ASTN2: variants seen among roughly 807,000 people sequenced by gnomAD.
ASTN2 encodes astrotactin 2.
In ASTN2, 54 loss-of-function variants were observed where a neutral mutation model predicts 139.8. That is an observed-to-expected ratio of 0.39 (90% CI 0.31 to 0.48). The LOEUF (loss-of-function observed/expected upper bound fraction) is 0.48. ASTN2 is among the 20% of genes least tolerant of loss of function. The pLI, the probability that ASTN2 is intolerant of heterozygous loss-of-function variation, is 0.95. For synonymous variants in ASTN2, 756 were observed against 719.5 expected, an observed-to-expected ratio of 1.05 and a Z score of -0.81; for missense variants, 1,565 against 1,725.1, an observed-to-expected ratio of 0.91 and a Z score of 1.64.
chr9:116,594,732 T>C (rs548791473), intron 19 of ASTN2, among the ~76,000 whole-genome samples: 4 of 152,276 alleles, frequency 2.6e-5, no homozygotes, highest in Non-Finnish European at 4.4e-5. Flanking sequence ...TCATCATGCA[T>C]TGATGACAGA....
intron 16 of ASTN2, among the ~76,000 whole-genome samples, chr9:116,667,157 T>C (rs941557538): frequency 4.0e-5 from 6 of 151,860 alleles, no homozygotes; most frequent in Non-Finnish European, 7.4e-5. Flanking sequence ...GAGTTCACCA[T>C]GTTGGCCAGG....
intron 10 of ASTN2, among the ~76,000 whole-genome samples, chr9:116,938,517 C>T (rs774943976): frequency 2.0e-5 from 3 of 152,192 alleles, no homozygotes; most frequent in Non-Finnish European, 4.4e-5. Flanking sequence ...TGGCTGCTGG[C>T]AGTTTCACAG....
intron 1 of ASTN2, among the ~76,000 whole-genome samples, chr9:117,316,866 A>G (rs1370733874): frequency 2.0e-5 from 3 of 152,160 alleles, no homozygotes; most frequent in Admixed American, 6.5e-5. Flanking sequence ...TCTGGGCCCA[A>G]CGAAGGTCAG....
At chr9:116,885,281 C>T (rs1422587102) in intron 10 of ASTN2, among the ~76,000 whole-genome samples, 1 of 152,182 alleles carries the variant, frequency 6.6e-6, no homozygotes, top group African/African-American at 2.4e-5. Context: ...AATACCCTGA[C>T]TTGATCATTC....
chr9:116,547,860 T>C (rs967833514), intron 19 of ASTN2, among the ~76,000 whole-genome samples: 1 of 152,066 alleles, frequency 6.6e-6, no homozygotes, highest in Non-Finnish European at 1.5e-5. Flanking sequence ...TGAGGTTCTG[T>C]GTCCCATTCC....
At chr9:117,101,294 A>G (rs2132764574) in intron 4 of ASTN2, among the ~76,000 whole-genome samples, 1 of 152,324 alleles carries the variant, frequency 6.6e-6, no homozygotes, top group East Asian at 1.9e-4. Flanking sequence ...GAGGTGATTC[A>G]GATGGCTAGA....
At chr9:116,586,833 C>CACACACACACACACACACAA (rs1554717114) in intron 19 of ASTN2, among the ~76,000 whole-genome samples, 1 of 118,068 alleles carries the variant, frequency 8.5e-6, no homozygotes, top group African/African-American at 3.1e-5. Context: ...CACATACATA[C>CACACACACACACACACACAA]ACACACACAC....
chr9:116,953,621 C>CT (rs1339236443), intron 10 of ASTN2, among the ~76,000 whole-genome samples: 3 of 152,158 alleles, frequency 2.0e-5, no homozygotes, highest in Non-Finnish European at 4.4e-5. Context: ...TAGCTGCTGC[C>CT]TAAAGAATAT....
intron 19 of ASTN2, among the ~76,000 whole-genome samples, chr9:116,518,565 T>C (rs888597206): frequency 1.4e-4 from 21 of 152,176 alleles, no homozygotes; most frequent in Non-Finnish European, 2.4e-4. Flanking sequence ...CCTTAAAGCA[T>C]AAATCTCACA....
At chr9:116,809,723 C>A (rs918094063) in intron 12 of ASTN2, among the ~76,000 whole-genome samples, 1 of 152,026 alleles carries the variant, frequency 6.6e-6, no homozygotes, top group Non-Finnish European at 1.5e-5. Flanking sequence ...TTAATATATA[C>A]GTTTTGCGAG....
chr9:116,439,240 G>A lies in ASTN2; in HGVS notation c.3782+1369C>T, dbSNP rs1164103518. On this transcript the variant is annotated intron_variant, in intron 22 of 22. Transcript: ENST00000313400. ...TTTTGAGACGGAGTCTCGCTCTGTC[G>A]CCCAGGCTGGAGTGCAGTGGCGGGA... is the stretch of plus-strand genomic sequence containing the variant. Among the ~76,000 whole-genome samples, 29 of 96,494 alleles carry A rather than the reference G, an allele frequency of 3.0e-4. 1 individual carries two copies. Among genetic ancestry groups the A allele is most frequent in the African/African-American group, 1.2e-3 (26 of 21,446 alleles). 63.3% of individuals were successfully genotyped at this position (96,494 alleles called of 152,430 possible).
At chr9:117,142,154 G>C (rs1374372294) in intron 3 of ASTN2, among the ~76,000 whole-genome samples, 1 of 152,188 alleles carries the variant, frequency 6.6e-6, no homozygotes, top group Admixed American at 6.5e-5. Flanking sequence ...AGATTGGAGT[G>C]ATAAAGACAT....
chr9:116,729,853 G>A (rs1358373534), intron 14 of ASTN2, among the ~76,000 whole-genome samples: 1 of 152,190 alleles, frequency 6.6e-6, no homozygotes, highest in African/African-American at 2.4e-5. Flanking sequence ...ATGCATGAAA[G>A]TAGTGTGCAA....
At chr9:117,203,502 A>G (rs1437652704) in intron 3 of ASTN2, among the ~76,000 whole-genome samples, 1 of 151,648 alleles carries the variant, frequency 6.6e-6, no homozygotes, top group Non-Finnish European at 1.5e-5. Flanking sequence ...GAGGCTGCTG[A>G]CCCTTGGATG....
intron 10 of ASTN2, among the ~76,000 whole-genome samples, chr9:116,954,682 G>A (rs1460357814): frequency 6.6e-6 from 1 of 151,930 alleles, no homozygotes; most frequent in Non-Finnish European, 1.5e-5. Flanking sequence ...AACAGGTGAT[G>A]GGCCAAATTG....
intron 10 of ASTN2, among the ~76,000 whole-genome samples, chr9:116,906,465 T>C (rs937919174): frequency 2.6e-5 from 4 of 152,112 alleles, no homozygotes; most frequent in Non-Finnish European, 5.9e-5. Flanking sequence ...CCCCAGACAC[T>C]TTTGTCTTTC....
intron 21 of ASTN2, 85 bp from the exon 22 acceptor site, chr9:116,440,877 A>G: frequency 1.5e-6 from 2 of 1,378,500 alleles, no homozygotes; most frequent in Non-Finnish European, 2.0e-6. Flanking sequence ...AGAAAGGCAC[A>G]GTGGTGAGAA....
chr9:117,157,385 CA>C (rs1478789742), intron 3 of ASTN2, among the ~76,000 whole-genome samples: 1 of 151,968 alleles, frequency 6.6e-6, no homozygotes, highest in Non-Finnish European at 1.5e-5. Context: ...AGTCAGTCCT[CA>C]AAAGAGCCTC....
At chr9:117,363,366 C>T (rs1829746489) in intron 1 of ASTN2, among the ~76,000 whole-genome samples, 1 of 152,178 alleles carries the variant, frequency 6.6e-6, no homozygotes, top group African/African-American at 2.4e-5. Context: ...CTCTCAACAG[C>T]CCTGCAAATT....
Sources: gnomAD v4.1 joint callset for allele counts (sites outside exome capture counted in the v4.1 genomes callset) on GRCh38, gnomAD v4.1.1 for gene constraint, MANE v1.5 for transcripts, NCBI Gene and HGNC (gene_info 2026-07-23, HGNC 2026-07-21) for gene names.